The following BRSK2 variants were observed in gnomAD, a reference collection of about 807,000 sequenced individuals.
BRSK2 encodes BR serine/threonine kinase 2, also known as serine/threonine-protein kinase BRSK2.
Under a neutral mutation model 83.3 loss-of-function variants are expected in BRSK2, and 19 were observed. That is an observed-to-expected ratio of 0.23 (90% confidence interval 0.16 to 0.33). The LOEUF (loss-of-function observed/expected upper bound fraction) is 0.33. Ranked by LOEUF, BRSK2 falls within the 10% of genes least tolerant of loss-of-function variation. The probability of loss-of-function intolerance (pLI) is 1.00; values close to 1 mark genes in which losing one functional copy is unlikely to be tolerated. For synonymous variants in BRSK2, 519 were observed against 435.4 expected (o/e 1.19, Z -2.39); for missense variants, 798 against 1,042.3 (o/e 0.77, Z 3.23).
intron 1 of BRSK2, among the ~76,000 whole-genome samples, chr11:1,396,311 C>CGTCCCCCACTCCTCGTCTCT (rs1377694381): frequency 6.6e-6 from 1 of 152,064 alleles, no homozygotes; most frequent in Non-Finnish European, 1.5e-5. Flanking sequence ...CTTACAGCCG[C>CGTCCCCCACTCCTCGTCTCT]CTCGAGGACT....
chr11:1,443,435 G>A, intron 7 of BRSK2, 32 bp downstream of exon 7: 1 of 1,583,714 alleles, frequency 6.3e-7, no homozygotes, highest in Non-Finnish European at 8.6e-7. Context: ...CCCTGCCCTG[G>A]CCTCTCCCCA....
chr11:1,459,411 C>T (rs891687004), intron 19 of BRSK2, 172 bp downstream of exon 19: 31 of 685,384 alleles, frequency 4.5e-5, no homozygotes, highest in African/African-American at 1.8e-4. Context: ...CAGCCCAGGT[C>T]GCTCCCCTAC....
chr11:1,443,411 C>G lies in BRSK2; in HGVS notation c.633+8C>G. The stretch of plus-strand genomic sequence containing the variant: ...CTGTTCGCCTTGCTGGTGGTGAGAC[C>G]CTGGCCCCCTCAACCCTGCCCTGGC... On this transcript the variant is annotated splice_region_variant and intron_variant, in intron 7 of 19. Coordinates refer to ENST00000528841, the MANE Select transcript of BRSK2 (RefSeq NM_001256627.2). 1 of 1,598,972 alleles carries G rather than the reference C, an allele frequency of 6.3e-7. No individual in the cohort carries two copies. The highest frequency in any genetic ancestry group is 8.5e-7 in the Non-Finnish European group (1 of 1,173,624).
At chr11:1,391,811 T>A (rs1845745834) in intron 1 of BRSK2, among the ~76,000 whole-genome samples, 1 of 152,068 alleles carries the variant, frequency 6.6e-6, no homozygotes, top group African/African-American at 2.4e-5. Context: ...TAAAATGTTA[T>A]TATAAGGAAA....
chr11:1,426,128 C>A (rs1248152411), intron 1 of BRSK2, among the ~76,000 whole-genome samples: 1 of 152,268 alleles, frequency 6.6e-6, no homozygotes, highest in Non-Finnish European at 1.5e-5. Flanking sequence ...CCTGTGGGGC[C>A]TTGGGTGCTC....
At chr11:1,424,822 C>CG (rs900889281) in intron 1 of BRSK2, among the ~76,000 whole-genome samples, 12 of 128,364 alleles carry the variant, frequency 9.3e-5, no homozygotes, top group South Asian at 5.1e-4. Context: ...GACCTACTGG[C>CG]GGGGGGGCAG....
intron 12 of BRSK2, 127 bp downstream of exon 12, chr11:1,446,034 T>C (rs993692278): frequency 3.2e-6 from 4 of 1,258,676 alleles, no homozygotes; most frequent in African/African-American, 3.1e-5. Context: ...CTGTATGGGC[T>C]AAACTGGGCT....
At chr11:1,451,209 C>T (rs1295059380) in intron 14 of BRSK2, among the ~76,000 whole-genome samples, 162 bp from the exon 15 acceptor site, 1 of 148,598 alleles carries the variant, frequency 6.7e-6, no homozygotes, top group Admixed American at 6.7e-5. Context: ...CAGTGGGCCT[C>T]TAAGGTGGCC....
At chr11:1,407,258 G>A (rs988499373) in intron 1 of BRSK2, among the ~76,000 whole-genome samples, 3 of 152,254 alleles carry the variant, frequency 2.0e-5, no homozygotes, top group African/African-American at 7.2e-5. Flanking sequence ...CACCGGCTCT[G>A]ACTGGCTCCC....
intron 15 of BRSK2, among the ~76,000 whole-genome samples, chr11:1,452,058 C>T (rs1180700910): frequency 2.6e-5 from 4 of 152,194 alleles, no homozygotes; most frequent in African/African-American, 7.2e-5. Flanking sequence ...GCGGTGTACA[C>T]ATATGAGCCT....
At chr11:1,435,195 A>G (rs1388367021) in intron 1 of BRSK2, among the ~76,000 whole-genome samples, 1 of 138,118 alleles carries the variant, frequency 7.2e-6, no homozygotes, top group Non-Finnish European at 1.6e-5. Context: ...TCAGGTGCAG[A>G]GCATCTCAGC....
chr11:1,402,455 C>T (rs532573809), intron 1 of BRSK2, among the ~76,000 whole-genome samples: 1 of 152,218 alleles, frequency 6.6e-6, no homozygotes, highest in Non-Finnish European at 1.5e-5. Context: ...GAACCTTGTC[C>T]GTGCCTGAGC....
Position 1,390,990 on chromosome 11 carries a change from T to C in BRSK2, c.91+615T>C, listed in dbSNP as rs1845691867. 6.6e-6 allele frequency among the ~76,000 whole-genome samples: 1 copy of C among 152,024 alleles called. No individual in the cohort carries two copies. The highest frequency in any genetic ancestry group is 1.5e-5 in the Non-Finnish European group (1 of 67,982). ...ATTCCCACGGGGCAGGGAGAGGCCA[T>C]TGGTGCTGGGACCAGAAGTGCGTGG... On this transcript the variant is annotated intron_variant, in intron 1 of 19. Coordinates refer to ENST00000528841, the MANE Select transcript of BRSK2 (RefSeq NM_001256627.2). This position sits in a 1 kb window ranked among gnomAD's most constrained non-coding sequence, Gnocchi z 6.8.
At chr11:1,433,843 C>A (rs1849912885) in intron 1 of BRSK2, among the ~76,000 whole-genome samples, 1 of 152,246 alleles carries the variant, frequency 6.6e-6, no homozygotes, top group South Asian at 2.1e-4. Context: ...CTGGGCTCCC[C>A]TCTGTGCCCA....
intron 18 of BRSK2, 114 bp downstream of exon 18, chr11:1,456,801 C>T (rs528990107): frequency 5.1e-5 from 67 of 1,317,586 alleles, no homozygotes; most frequent in South Asian, 2.0e-4. Flanking sequence ...CCCCTCTTGA[C>T]GGACGCCCCC....
intron 1 of BRSK2, among the ~76,000 whole-genome samples, chr11:1,400,088 T>C (rs778901455): frequency 2.6e-5 from 4 of 152,264 alleles, no homozygotes; most frequent in African/African-American, 4.8e-5. Context: ...TTAGCACTGA[T>C]TTCTAGAAAC....
rs1296044899 is a variant in BRSK2, at chr11:1,438,152, T to A, written c.187-154T>A. On this transcript the variant is annotated intron_variant, in intron 2 of 19. Coordinates refer to ENST00000528841, the MANE Select transcript of BRSK2 (RefSeq NM_001256627.2). This position sits in a 1 kb window ranked among gnomAD's most constrained non-coding sequence, Gnocchi z 6.4. Reference sequence around the variant, plus strand: ...ACAGCTGGCACCAAAGGCCCCTGCGTCCCCCACAGCTGGCACCAAAGGCCC... The same window carrying A: ...ACAGCTGGCACCAAAGGCCCCTGCGACCCCCACAGCTGGCACCAAAGGCCC... Among the ~76,000 whole-genome samples, 3 of 118,226 alleles carry A rather than the reference T, an allele frequency of 2.5e-5. No individual in the cohort carries two copies. The highest frequency in any genetic ancestry group is 1.8e-4 in the Admixed American group (2 of 11,240). 77.6% of individuals were successfully genotyped at this position (118,226 alleles called of 152,430 possible). A position where few individuals can be genotyped will look rare whatever the true frequency, so the allele number is the denominator to read the frequency against.
At chr11:1,418,753 G>C (rs1848359506) in intron 1 of BRSK2, among the ~76,000 whole-genome samples, 1 of 152,270 alleles carries the variant, frequency 6.6e-6, no homozygotes, top group African/African-American at 2.4e-5. Context: ...GACTGAAGTA[G>C]GAGCTGTCAT....
At chr11:1,419,131 A>T (rs1590400821) in intron 1 of BRSK2, among the ~76,000 whole-genome samples, 1 of 125,946 alleles carries the variant, frequency 7.9e-6, no homozygotes, top group Non-Finnish European at 1.6e-5. Context: ...GTCAGGTGTG[A>T]GTCTGGGCAC....
Sources: allele counts gnomAD v4.1 joint callset (sites outside exome capture counted in the v4.1 genomes callset), GRCh38; gene constraint gnomAD v4.1.1; non-coding constraint Gnocchi (gnomAD v3.1); transcripts MANE v1.5; gene names NCBI Gene and HGNC (gene_info 2026-07-23, HGNC 2026-07-21).